The following TBC1D31 variants were observed in gnomAD, a reference collection of about 807,000 sequenced individuals.
TBC1D31 encodes TBC1 domain family member 31, also known as WD repeat domain 67.
Under a neutral mutation model 132.9 loss-of-function variants are expected in TBC1D31, and 99 were observed. The observed-to-expected ratio is 0.74, with a 90% CI of 0.63 to 0.88. The LOEUF (loss-of-function observed/expected upper bound fraction) is 0.88. Ranked by LOEUF, TBC1D31 falls within the 40% of genes least tolerant of loss-of-function variation. The pLI is 0.00. For missense variants in TBC1D31, 1,134 were observed against 1,256.6 expected, an observed-to-expected ratio of 0.90 and a Z score of 1.48; for synonymous variants, 385 against 419.4, an observed-to-expected ratio of 0.92 and a Z score of 1.00.
At chr8:123,129,303 A>G in intron 15 of TBC1D31, 85 bp downstream of exon 15, 2 of 928,036 alleles carry the variant, frequency 2.2e-6, no homozygotes, top group Non-Finnish European at 3.1e-6. Flanking sequence ...CATTTTAGAA[A>G]CAACATTATA....
downstream of TBC1D31, among the ~76,000 whole-genome samples, chr8:123,156,785 GCT>G (rs1823001007): frequency 1.3e-5 from 2 of 152,152 alleles, no homozygotes; most frequent in African/African-American, 4.8e-5. Context: ...TCTCATCAAT[GCT>G]GCCTACCCAT....
intron 8 of TBC1D31, among the ~76,000 whole-genome samples, chr8:123,107,406 T>TGCC (rs1389609010): frequency 2.0e-5 from 3 of 152,242 alleles, no homozygotes; most frequent in Non-Finnish European, 4.4e-5. Flanking sequence ...CTCACTTTTG[T>TGCC]GTTAATTATG....
At chr8:123,163,157 G>A in the TBC1D31 span, among the ~76,000 whole-genome samples, 2 of 151,854 alleles carry the variant, frequency 1.3e-5, no homozygotes, top group South Asian at 4.2e-4. Flanking sequence ...CATATACTCA[G>A]TTTTATATAT....
intron 21 of TBC1D31, among the ~76,000 whole-genome samples, chr8:123,151,431 A>G (rs1054040634): frequency 5.9e-5 from 9 of 152,220 alleles, no homozygotes; most frequent in Admixed American, 2.0e-4. Context: ...TGGAAAGGTA[A>G]TCATGGTGTA....
chr8:123,105,052 A>T (rs570425206), intron 7 of TBC1D31, among the ~76,000 whole-genome samples: 243 of 152,278 alleles, frequency 1.6e-3, no homozygotes, highest in African/African-American at 5.2e-3. Context: ...AATTATATTT[A>T]TTGCTATTGT....
chr8:123,150,901 T>C (rs936955300), intron 21 of TBC1D31, among the ~76,000 whole-genome samples: 4 of 152,254 alleles, frequency 2.6e-5, no homozygotes, highest in Admixed American at 2.0e-4. Context: ...ACAAGATCTT[T>C]TGACTTCTTT....
intron 20 of TBC1D31, among the ~76,000 whole-genome samples, chr8:123,148,232 G>A (rs148450986): frequency 3.3e-3 from 501 of 152,160 alleles, no homozygotes; most frequent in African/African-American, 8.5e-3. Flanking sequence ...TAATAATTCC[G>A]TCAGTAGCTC....
At chr8:123,161,365 G>A in the TBC1D31 span, among the ~76,000 whole-genome samples, 9 of 152,294 alleles carry the variant, frequency 5.9e-5, no homozygotes, top group African/African-American at 2.2e-4. Flanking sequence ...GGCTGAACGC[G>A]CTCCTTCCTC....
At chr8:123,105,539 C>T in intron 8 of TBC1D31, 75 bp downstream of exon 8, 1 of 1,175,316 alleles carries the variant, frequency 8.5e-7, no homozygotes, top group Non-Finnish European at 1.2e-6. Context: ...GCCATCACCA[C>T]TCTTCTCTCT....
At chr8:123,141,475 T>G (rs1821661702) in intron 18 of TBC1D31, among the ~76,000 whole-genome samples, 1 of 152,142 alleles carries the variant, frequency 6.6e-6, no homozygotes, top group Non-Finnish European at 1.5e-5. Context: ...TTCAGAGAAT[T>G]TCTTACGGAG....
Position 123,109,347 on chromosome 8 carries a change from C to T in TBC1D31, c.1240C>T (p.Arg414Cys), listed in dbSNP as rs965232389. ...NELPDGLNKK[R>C]LQILLKGYGE... ...ATTACCAGATGGATTAAACAAAAAG[C>T]GTTTACAAATCTTATTAAAAGGCTA... Residue 414 changes from arginine to cysteine, a missense_variant, in exon 9 of 22, where the codon CGT becomes TGT. Coordinates refer to ENST00000287380, the MANE Select transcript of TBC1D31 (RefSeq NM_145647.4). 8.7e-6 allele frequency: 14 copies of T among 1,602,822 alleles called. No homozygotes were observed. The highest frequency in any genetic ancestry group is 5.4e-5 in the African/African-American group (4 of 74,484).
intron 10 of TBC1D31, among the ~76,000 whole-genome samples, chr8:123,115,610 A>T (rs544401308): frequency 4.6e-5 from 7 of 152,330 alleles, no homozygotes; most frequent in African/African-American, 1.7e-4. Flanking sequence ...ACTGGGCTAA[A>T]ATCAGAGTGT....
chr8:123,140,692 G>GA, intron 17 of TBC1D31, 69 bp from the exon 18 acceptor site: 19 of 1,338,578 alleles, frequency 1.4e-5, no homozygotes, highest in Non-Finnish European at 1.6e-5. Flanking sequence ...TTACTATTCT[G>GA]AAAAAAGTCA....
At chr8:123,126,411 A>G (rs1820036886) in intron 12 of TBC1D31, 97 bp from the exon 13 acceptor site, 1 of 1,255,476 alleles carries the variant, frequency 8.0e-7, no homozygotes. Context: ...ATTTAATATG[A>G]TTTTCATAGC....
At chr8:123,106,978 TG>T (rs1488168216) in intron 8 of TBC1D31, among the ~76,000 whole-genome samples, 1 of 152,178 alleles carries the variant, frequency 6.6e-6, no homozygotes, top group Non-Finnish European at 1.5e-5. Context: ...TGTGGCAATA[TG>T]TGTGAAATAT....
intron 7 of TBC1D31, chr8:123,104,244 A>T (rs1173961233): frequency 2.0e-5 from 3 of 152,162 alleles, no homozygotes; most frequent in Non-Finnish European, 4.4e-5. Flanking sequence ...GGTCTACTTA[A>T]TGCCATTTTT....
At chr8:123,152,440 C>G (rs893867102), downstream of TBC1D31, among the ~76,000 whole-genome samples, 3 of 152,190 alleles carry the variant, frequency 2.0e-5, no homozygotes, top group African/African-American at 7.2e-5. Context: ...TCCTTCTGCC[C>G]TCTGCCTGCT....
chr8:123,118,247 A>C (rs1055253303), intron 10 of TBC1D31, among the ~76,000 whole-genome samples: 1 of 123,646 alleles, frequency 8.1e-6, no homozygotes, highest in African/African-American at 3.3e-5. Context: ...AGTAAAGTCC[A>C]TAATTTAGTG....
At chr8:123,157,724 C>A in the TBC1D31 span, among the ~76,000 whole-genome samples, 1 of 151,398 alleles carries the variant, frequency 6.6e-6, no homozygotes, top group Non-Finnish European at 1.5e-5. Flanking sequence ...CGCGCGCACA[C>A]ACACACACAC....
Sources: allele counts gnomAD v4.1 joint callset (sites outside exome capture counted in the v4.1 genomes callset), GRCh38; gene constraint gnomAD v4.1.1; transcripts MANE v1.5; gene names NCBI Gene and HGNC (gene_info 2026-07-23, HGNC 2026-07-21).